Variants in NEMF observed in about 807,000 individuals in gnomAD.
NEMF encodes the protein ribosome quality control complex subunit NEMF.
A neutral mutation model predicts 162.2 loss-of-function variants in NEMF; 89 were observed. That is an observed-to-expected ratio of 0.55 (90% CI 0.46 to 0.65). The LOEUF (loss-of-function observed/expected upper bound fraction) is 0.65. NEMF is among the 30% of genes least tolerant of loss of function. The pLI is 0.00. For missense variants in NEMF, 1,133 were observed against 1,261.9 expected, an observed-to-expected ratio of 0.90 and a Z score of 1.55; for synonymous variants, 421 against 404.5, an observed-to-expected ratio of 1.04 and a Z score of -0.49.
intron 6 of NEMF, among the ~76,000 whole-genome samples, chr14:49,835,990 A>G (rs1206848889): frequency 3.3e-5 from 5 of 152,228 alleles, no homozygotes; most frequent in Non-Finnish European, 5.9e-5. Flanking sequence ...AGAAGACTCA[A>G]TGTAGTTAAA....
rs1889955668 is a variant in NEMF, at chr14:49,782,579, C to T, written c.*2057G>A. The T allele has an allele frequency of 6.2e-7, 1 of 1,605,300 alleles. No homozygotes were observed. The highest frequency in any genetic ancestry group is 1.1e-5 in the South Asian group (1 of 90,234). On this transcript the variant is annotated 3_prime_UTR_variant, in exon 33 of 33. Coordinates refer to ENST00000298310, the MANE Select transcript of NEMF (RefSeq NM_004713.6). ...GAAATACTAATATTTTCAGTTCAAC[C>T]AAAATCTCTTGTACGGTAAGTAACT...
intron 18 of NEMF, among the ~76,000 whole-genome samples, chr14:49,809,860 C>CA (rs1566669511): frequency 6.6e-6 from 1 of 151,402 alleles, no homozygotes; most frequent in Admixed American, 6.6e-5. Context: ...GACTCTGTCT[C>CA]AAAAAAAGAG....
chr14:49,830,623 G>C (rs1418060728), intron 11 of NEMF, among the ~76,000 whole-genome samples: 1 of 152,236 alleles, frequency 6.6e-6, no homozygotes, highest in African/African-American at 2.4e-5. Flanking sequence ...GACCTCAAGT[G>C]ATCTGCCCGC....
At chr14:49,832,176 A>G in intron 9 of NEMF, 31 bp downstream of exon 9, 1 of 1,598,924 alleles carries the variant, frequency 6.3e-7, no homozygotes, top group Non-Finnish European at 8.5e-7. Context: ...ACAAACATCC[A>G]AAGCAAATTG....
intron 25 of NEMF, chr14:49,796,261 T>G (rs756482084): frequency 1.0e-5 from 5 of 484,484 alleles, no homozygotes; most frequent in Non-Finnish European, 1.6e-5. Context: ...GGATTTGTAG[T>G]CTTTGTACCA....
chr14:49,824,002 T>C (rs533422272), intron 16 of NEMF, among the ~76,000 whole-genome samples: 26 of 151,664 alleles, frequency 1.7e-4, no homozygotes, highest in Admixed American at 5.3e-4. Flanking sequence ...GAAACCCTTC[T>C]CTACTAAACA....
intron 5 of NEMF, 69 bp downstream of exon 5, chr14:49,840,649 A>G: frequency 7.4e-7 from 1 of 1,353,270 alleles, no homozygotes; most frequent in Non-Finnish European, 1.0e-6. Context: ...TTTAAGAGAC[A>G]GGGTCTCATT....
At position 49,806,148 on chromosome 14, in the gene NEMF, C is replaced by A; in HGVS notation, c.1745-15G>T. 1 of 1,579,332 alleles carries A rather than the reference C, an allele frequency of 6.3e-7. No individual in the cohort carries two copies. The highest frequency in any genetic ancestry group is 8.6e-7 in the Non-Finnish European group (1 of 1,157,100). Reference sequence around the variant, plus strand: ...GATGGGTTCTCCTAGAATAACAATGCATAATGTTTCAATACCAAAGTATGG... The same window carrying A: ...GATGGGTTCTCCTAGAATAACAATGAATAATGTTTCAATACCAAAGTATGG... On this transcript the variant is annotated splice_polypyrimidine_tract_variant and intron_variant, in intron 18 of 32. Coordinates refer to ENST00000298310, the MANE Select transcript of NEMF (RefSeq NM_004713.6).
chr14:49,838,758 G>T (rs1893040977), intron 5 of NEMF, among the ~76,000 whole-genome samples: 1 of 151,388 alleles, frequency 6.6e-6, no homozygotes, highest in Non-Finnish European at 1.5e-5. Flanking sequence ...CTAATATTTT[G>T]TATTTTTAGT....
At chr14:49,802,955 C>G (rs1030930541) in intron 20 of NEMF, among the ~76,000 whole-genome samples, 43 of 152,098 alleles carry the variant, frequency 2.8e-4, no homozygotes, top group Non-Finnish European at 1.2e-4. Context: ...GTCAGTCAGA[C>G]CCTGAATATT....
rs1893485407 is a variant in NEMF at position 49,846,078 on chromosome 14, G to A, written c.357+62C>T. ...AATGTTCCCCCACTCATGTTATATA[G>A]CACTATTACAAAATGATTAATAAGA... On this transcript the variant is annotated intron_variant, in intron 4 of 32. Coordinates refer to ENST00000298310, the MANE Select transcript of NEMF (RefSeq NM_004713.6). 3.3e-5 allele frequency: 48 copies of A among 1,437,330 alleles called. 1 individual carries two copies. In the South Asian group the frequency reaches 4.7e-4, roughly 14 times the overall value. The allele number at this position is 1,437,330 out of a possible 1,614,324, so 89.0% of individuals were successfully genotyped here.
chr14:49,843,832 C>CTCA, intron 4 of NEMF, among the ~76,000 whole-genome samples: 1 of 152,234 alleles, frequency 6.6e-6, no homozygotes, highest in East Asian at 1.9e-4. Context: ...GGCGCAGTGG[C>CTCA]TCATGCCTGT....
chr14:49,812,954 T>C (rs1891547372), intron 18 of NEMF, among the ~76,000 whole-genome samples: 1 of 152,150 alleles, frequency 6.6e-6, no homozygotes, highest in African/African-American at 2.4e-5. Flanking sequence ...TTTTTGTATT[T>C]TTAGTAGAGA....
rs368045710 is a variant in NEMF at position 49,840,384 on chromosome 14, C to G, written c.506+334G>C. Among the ~76,000 whole-genome samples, 14 of 151,932 alleles carry G rather than the reference C, an allele frequency of 9.2e-5. No individual in the cohort carries two copies. The East Asian group carries it at 2.5e-3, about 27-fold the overall frequency. On this transcript the variant is annotated intron_variant, in intron 5 of 32. Coordinates refer to ENST00000298310, the MANE Select transcript of NEMF (RefSeq NM_004713.6). ...GGCTGCGGCAGGAGAATCGCTTGAA[C>G]CTGGGATGCAGAGGTTGCAGTGAGC... is the stretch of plus-strand genomic sequence containing the variant.
intron 4 of NEMF, among the ~76,000 whole-genome samples, chr14:49,841,866 G>A (rs1218037420): frequency 1.3e-5 from 2 of 152,150 alleles, no homozygotes; most frequent in Non-Finnish European, 2.9e-5. Flanking sequence ...AGCACTGTGG[G>A]AGGCTGAGGC....
intron 18 of NEMF, among the ~76,000 whole-genome samples, chr14:49,807,482 A>C (rs1443671347): frequency 6.6e-6 from 1 of 151,776 alleles, no homozygotes; most frequent in Non-Finnish European, 1.5e-5. Flanking sequence ...ATCATTGTCC[A>C]TTCCTACCAG....
chr14:49,805,695 T>C (rs1244813285), intron 19 of NEMF, among the ~76,000 whole-genome samples: 1 of 152,060 alleles, frequency 6.6e-6, no homozygotes, highest in Non-Finnish European at 1.5e-5. Flanking sequence ...CCAATAATAA[T>C]CAATAATAAC....
At chr14:49,837,397 A>G (rs953894291) in intron 6 of NEMF, among the ~76,000 whole-genome samples, 2 of 152,178 alleles carry the variant, frequency 1.3e-5, no homozygotes, top group Non-Finnish European at 2.9e-5. Flanking sequence ...CACGTCTATA[A>G]TCCCAGCAAT....
chr14:49,785,486 T>C (rs1890128143), intron 29 of NEMF, 166 bp from the exon 30 acceptor site: 1 of 591,376 alleles, frequency 1.7e-6, no homozygotes, highest in Non-Finnish European at 3.0e-6. Context: ...TTCCAAAGAG[T>C]TGAAGACCAA....
Sources: allele counts gnomAD v4.1 joint callset (sites outside exome capture counted in the v4.1 genomes callset), GRCh38; gene constraint gnomAD v4.1.1; transcripts MANE v1.5; gene names NCBI Gene and HGNC (gene_info 2026-07-23, HGNC 2026-07-21).